Variants in CCDC13 observed in about 807,000 individuals in gnomAD.
CCDC13 encodes the protein coiled-coil domain-containing protein 13.
Under a neutral mutation model 87.3 loss-of-function variants are expected in CCDC13, and 70 were observed. The observed-to-expected ratio is 0.80, with a 90% CI of 0.66 to 0.98. The LOEUF (loss-of-function observed/expected upper bound fraction) is 0.98. CCDC13 is among the 50% of genes least tolerant of loss of function. The probability of loss-of-function intolerance (pLI) is 0.00; values close to 1 mark genes in which losing one functional copy is unlikely to be tolerated. For synonymous variants in CCDC13, 317 were observed against 360.3 expected (o/e 0.88, Z 1.36); for missense variants, 842 against 892.0 (o/e 0.94, Z 0.71).
chr3:42,756,370 C>G (rs1010344860), intron 3 of CCDC13, among the ~76,000 whole-genome samples: 1 of 152,180 alleles, frequency 6.6e-6, no homozygotes, highest in Non-Finnish European at 1.5e-5. Context: ...AAAGGTCATT[C>G]CCAGACCTGC....
chr3:42,732,940 C>T lies in CCDC13; in HGVS notation c.1542G>A (p.Val514=). The change falls in exon 12 of 16, where the codon GTG becomes GTA. Residue 514 remains valine, a synonymous_variant. Coordinates refer to ENST00000310232, the MANE Select transcript of CCDC13 (RefSeq NM_144719.4). ...RSVTSLGHTL[V]ESALTRPSLP... The stretch of plus-strand genomic sequence containing the variant: ...GGGAAGGCCTCGTGAGAGCAGATTC[C>T]ACCAGTGTGTGGCCCAGGCTGGTCA... The T allele has an allele frequency of 6.4e-7, 1 of 1,554,052 alleles. No individual in the cohort carries two copies. Among genetic ancestry groups the T allele is most frequent in the South Asian group, 1.2e-5 (1 of 84,194 alleles).
At chr3:42,770,616 C>T (rs945959507) in intron 1 of CCDC13, 1 of 152,300 alleles carries the variant, frequency 6.6e-6, no homozygotes, top group African/African-American at 2.4e-5. Flanking sequence ...CTGCTGAGGT[C>T]CCCTTCCACA....
At chr3:42,712,562 T>C (rs1355876523) in intron 14 of CCDC13, among the ~76,000 whole-genome samples, 4 of 152,320 alleles carry the variant, frequency 2.6e-5, no homozygotes, top group South Asian at 2.1e-4. Flanking sequence ...AGAAGTGACA[T>C]ATGCAACCGT....
rs1261635823 is a variant in CCDC13, at chr3:42,733,551, T to C, written c.1430A>G (p.Tyr477Cys). ...GCCTGGGTCCTCCAGGAACTGGGTA[T>C]AGGCAGGGCTGACCTCGCGGCCACT... ...GSSGREVSPA[Y>C]TQFLEDPGLT... Residue 477 changes from tyrosine (Y) to cysteine (C), a missense_variant, in exon 11 of 16, where the codon TAT becomes TGT. Transcript: ENST00000310232. The C allele has an allele frequency of 4.3e-6, 7 of 1,613,928 alleles. No individual in the cohort carries two copies. In the Admixed American group the frequency reaches 5.0e-5, roughly 12 times the overall value.
In CCDC13 at chr3:42,708,998, C is replaced by T; in HGVS notation, c.2130G>A (p.Gln710=). The T allele has an allele frequency of 6.2e-7, 1 of 1,612,674 alleles. No homozygotes were observed. Among genetic ancestry groups the T allele is most frequent in the South Asian group, 1.1e-5 (1 of 90,808 alleles). ...TGTCATCCTATTGCTTGCCTGTCTT[C>T]TGCTGCCGCAGGGCCTGCAGGAAGA... is the stretch of plus-strand genomic sequence containing the variant. ...KSVFLQALRQ[Q]KTGKQ is the part of the protein sequence containing the mutation. The change falls in exon 16 of 16, where the codon CAG becomes CAA. Residue 710 remains glutamine (Q), a synonymous_variant. Coordinates refer to ENST00000310232, the MANE Select transcript of CCDC13 (RefSeq NM_144719.4).
At chr3:42,758,465 A>G (rs1699758864) in intron 1 of CCDC13, 114 bp from the exon 2 acceptor site, 5 of 959,490 alleles carry the variant, frequency 5.2e-6, no homozygotes, top group Admixed American at 2.6e-5. Context: ...CGTTGCATGT[A>G]TGTCCACGCA....
chr3:42,761,799 T>C (rs1436769879), intron 1 of CCDC13, among the ~76,000 whole-genome samples: 1 of 152,110 alleles, frequency 6.6e-6, no homozygotes, highest in Admixed American at 6.6e-5. Flanking sequence ...TTCTAGCTAG[T>C]TGTGTTGACT....
Position 42,752,028 on chromosome 3 carries a change from G to A in CCDC13, c.514-3C>T. The A allele has an allele frequency of 1.2e-6, 2 of 1,604,268 alleles. No homozygotes were observed. The highest frequency in any genetic ancestry group is 1.7e-6 in the Non-Finnish European group (2 of 1,179,814). ...AGCCTGGTCAGGGCTGTCTGCAGCT[G>A]AAAAAGCAAACCTCGTGCTTAATAC... is the stretch of plus-strand genomic sequence containing the variant. On this transcript the variant is annotated splice_region_variant and splice_polypyrimidine_tract_variant and intron_variant, in intron 4 of 15. Transcript: ENST00000310232.
intron 13 of CCDC13, among the ~76,000 whole-genome samples, chr3:42,716,198 C>G (rs1698427276): frequency 6.7e-6 from 1 of 150,192 alleles, no homozygotes; most frequent in Non-Finnish European, 1.5e-5. Flanking sequence ...CAAGAAGACA[C>G]AGAAAATCTA....
intron 8 of CCDC13, among the ~76,000 whole-genome samples, chr3:42,740,762 G>A (rs1699189926): frequency 6.6e-6 from 1 of 152,188 alleles, no homozygotes; most frequent in African/African-American, 2.4e-5. Context: ...AACCCATAAA[G>A]ACAAGATGGA....
intron 1 of CCDC13, among the ~76,000 whole-genome samples, chr3:42,766,097 C>T (rs997006193): frequency 2.0e-5 from 3 of 152,070 alleles, no homozygotes; most frequent in Non-Finnish European, 4.4e-5. Flanking sequence ...GGACTGAAGG[C>T]AACTATGCAG....
intron 1 of CCDC13, among the ~76,000 whole-genome samples, chr3:42,767,325 C>T (rs1208714041): frequency 6.6e-6 from 1 of 152,170 alleles, no homozygotes; most frequent in East Asian, 1.9e-4. Flanking sequence ...TTTATATTAA[C>T]ACAAACATTG....
intron 13 of CCDC13, chr3:42,713,951 G>C (rs1698372189): frequency 6.6e-6 from 1 of 152,192 alleles, no homozygotes; most frequent in African/African-American, 2.4e-5. Context: ...GGAGGTTCCG[G>C]GGGAAAATCC....
intron 13 of CCDC13, among the ~76,000 whole-genome samples, chr3:42,721,659 TCTTAA>T (rs538348972): frequency 2.0e-4 from 31 of 152,394 alleles, no homozygotes; most frequent in African/African-American, 7.5e-4. Context: ...GTGTGAGTAT[TCTTAA>T]CTTATGGCAA....
intron 1 of CCDC13, among the ~76,000 whole-genome samples, chr3:42,769,213 A>G (rs1700001072): frequency 6.6e-6 from 1 of 152,252 alleles, no homozygotes; most frequent in Admixed American, 6.5e-5. Context: ...TGGATGGCAA[A>G]TAGACATATG....
intron 1 of CCDC13, among the ~76,000 whole-genome samples, chr3:42,771,905 A>G (rs1402633577): frequency 6.6e-6 from 1 of 152,238 alleles, no homozygotes. Context: ...GGAAATGGGA[A>G]TACGGAATAC....
intron 2 of CCDC13, 30 bp downstream of exon 2, chr3:42,758,095 A>ACACACACT (rs766044655): frequency 1.4e-6 from 2 of 1,465,670 alleles, no homozygotes; most frequent in African/African-American, 3.0e-5. Flanking sequence ...ACACACACAC[A>ACACACACT]CCCCTGAGAG....
At chr3:42,771,195 A>C (rs574441685) in intron 1 of CCDC13, 1 of 152,368 alleles carries the variant, frequency 6.6e-6, no homozygotes, top group South Asian at 2.1e-4. Context: ...TTAAGTGAAG[A>C]AGCCGGTCTG....
chr3:42,712,815 C>G (rs906824341), intron 14 of CCDC13, among the ~76,000 whole-genome samples: 1 of 152,208 alleles, frequency 6.6e-6, no homozygotes, highest in Non-Finnish European at 1.5e-5. Flanking sequence ...TTGGGCTTCC[C>G]CAGCAGACCA....
Sources: allele counts gnomAD v4.1 joint callset (sites outside exome capture counted in the v4.1 genomes callset), GRCh38; gene constraint gnomAD v4.1.1; transcripts MANE v1.5; gene names NCBI Gene and HGNC (gene_info 2026-07-23, HGNC 2026-07-21).